Variants in TBRG1 observed in about 807,000 individuals in gnomAD.
The protein encoded by TBRG1 is transforming growth factor beta regulator 1.
TBRG1 carries 31 observed loss-of-function variants against 44.0 expected under a neutral mutation model. That is an observed-to-expected ratio of 0.70 (90% CI 0.53 to 0.95). TBRG1 has a LOEUF of 0.95. TBRG1 is among the 40% of genes least tolerant of loss of function. The pLI, the probability that TBRG1 is intolerant of heterozygous loss-of-function variation, is 0.00. For missense variants in TBRG1, 487 were observed against 496.1 expected, an observed-to-expected ratio of 0.98 and a Z score of 0.18; for synonymous variants, 171 against 188.1, an observed-to-expected ratio of 0.91 and a Z score of 0.74.
At chr11:124,625,493 T>G (rs1416405465) in intron 2 of TBRG1, among the ~76,000 whole-genome samples, 178 bp from the exon 3 acceptor site, 1 of 152,260 alleles carries the variant, frequency 6.6e-6, no homozygotes, top group Non-Finnish European at 1.5e-5. Flanking sequence ...ATCCTTGGCC[T>G]CTTGAAGTAT....
chr11:124,627,890 G>A (rs774004594), intron 5 of TBRG1, among the ~76,000 whole-genome samples: 13 of 151,656 alleles, frequency 8.6e-5, no homozygotes, highest in Non-Finnish European at 1.9e-4. Flanking sequence ...AAATTGAAAA[G>A]CCGATTCTTA....
chr11:124,629,384 G>T (rs1398454067), intron 5 of TBRG1, among the ~76,000 whole-genome samples: 1 of 152,064 alleles, frequency 6.6e-6, no homozygotes, highest in African/African-American at 2.4e-5. Flanking sequence ...ATTGCTCATG[G>T]TTTTTTCATT....
rs1942372094 is a variant in TBRG1 at position 124,622,995 on chromosome 11, G to A, written c.-89G>A. 1.4e-6 allele frequency: 2 copies of A among 1,379,328 alleles called. No individual in the cohort carries two copies. The highest frequency in any genetic ancestry group is 2.9e-5 in the African/African-American group (2 of 68,614). The allele number at this position is 1,379,328 out of a possible 1,614,324, so 85.4% of individuals were successfully genotyped here. A position where few individuals can be genotyped will look rare whatever the true frequency, so the allele number is the denominator to read the frequency against. ...CCTAGAGGCCCGATTCCGCTAGCCC[G>A]GAACAGACAAAGCCAGCGCTCCCGC... On this transcript the variant is annotated 5_prime_UTR_variant, in exon 1 of 9. Coordinates refer to ENST00000441174, the MANE Select transcript of TBRG1 (RefSeq NM_032811.3).
chr11:124,631,622 T>TG lies in TBRG1; in HGVS notation c.1090+206dup, dbSNP rs1436020795. The TG allele has an allele frequency of 5.6e-5, 34 of 611,168 alleles. No homozygotes were observed. In the East Asian group the frequency reaches 9.5e-4, roughly 17 times the overall value. 37.9% of individuals were successfully genotyped at this position (611,168 alleles called of 1,614,324 possible). A position where few individuals can be genotyped will look rare whatever the true frequency, so the allele number is the denominator to read the frequency against. Reference sequence around the variant, plus strand: ...ACTCACAGATGTCATGGGGAGCACCTGCGATCATAGTAAGGCAGGGTACCC... The same window carrying TG: ...ACTCACAGATGTCATGGGGAGCACCTGGCGATCATAGTAAGGCAGGGTACCC... On this transcript the variant is annotated intron_variant, in intron 8 of 8. Coordinates refer to ENST00000441174, the MANE Select transcript of TBRG1 (RefSeq NM_032811.3).
At position 124,624,828 on chromosome 11, in the gene TBRG1, G is replaced by A. The variant is rs1472919263; in HGVS notation, c.151-103G>A. 9.1e-6 allele frequency: 7 copies of A among 766,102 alleles called. No homozygotes were observed. In the East Asian group the frequency reaches 1.9e-4, roughly 21 times the overall value. The allele number at this position is 766,102 out of a possible 1,614,324, so 47.5% of individuals were successfully genotyped here. Reference sequence around the variant, plus strand: ...ACGGTCGAATAGCTCCTTCTTCTCAGTAATACAAGCTTTTTTGGTTTGAAA... The same window carrying A: ...ACGGTCGAATAGCTCCTTCTTCTCAATAATACAAGCTTTTTTGGTTTGAAA... On this transcript the variant is annotated intron_variant, in intron 1 of 8. Transcript: ENST00000441174.
Position 124,623,138 on chromosome 11 carries a change from A to G in TBRG1, c.55A>G (p.Lys19Glu), listed in dbSNP as rs1565397425. ...SSPRAPLQSS[K>E]ARMKKLPKKS... ...GCCGCGGGCTCCGCTGCAGTCCAGC[A>G]AGGCCAGGATGAAAAAGCTCCCGAA... The change falls in exon 1 of 9, where the codon AAG (lysine) becomes GAG (glutamate). Residue 19 changes from lysine (K) to glutamate (E), a missense_variant. Transcript: ENST00000441174. 1 of 1,551,400 alleles carries G rather than the reference A, an allele frequency of 6.4e-7. No homozygotes were observed. Among genetic ancestry groups the G allele is most frequent in the African/African-American group, 1.4e-5 (1 of 73,066 alleles).
rs1296402823 is a variant in TBRG1 at position 124,623,100 on chromosome 11, G to A, written c.17G>A (p.Gly6Asp). The A allele has an allele frequency of 6.5e-7, 1 of 1,550,126 alleles. No individual in the cohort carries two copies. Among genetic ancestry groups the A allele is most frequent in the Non-Finnish European group, 8.7e-7 (1 of 1,146,624 alleles). ...GGCTGGACCATGAGCCTGCTGGACGGCCTCGCTTCCTCGCCGCGGGCTCCG... is the reference window on the plus strand; with the variant it reads ...GGCTGGACCATGAGCCTGCTGGACGACCTCGCTTCCTCGCCGCGGGCTCCG... MSLLDGLASSPRAPLQ... is the reference protein window; with the variant it reads MSLLDDLASSPRAPLQ... Residue 6 changes from glycine to aspartate, a missense_variant, in exon 1 of 9, where the codon GGC becomes GAC. By Grantham distance (94) the Gly-to-Asp change is moderately conservative (BLOSUM62 -1). Transcript: ENST00000441174.
rs535511323 is a variant in TBRG1, at chr11:124,632,353, T to G, written c.*115T>G. On this transcript the variant is annotated 3_prime_UTR_variant, in exon 9 of 9. Transcript: ENST00000441174. ...AGAAGTAAAGAAGATACTAACGTAT[T>G]TCATCATGGAAGGTCCTGTGGTGAT... 3.5e-6 allele frequency: 3 copies of G among 856,128 alleles called. No individual in the cohort carries two copies. The African/African-American group carries it at 5.1e-5, about 14-fold the overall frequency. 53.0% of individuals were successfully genotyped at this position (856,128 alleles called of 1,614,324 possible). A position where few individuals can be genotyped will look rare whatever the true frequency, so the allele number is the denominator to read the frequency against.
rs1345513329 is a variant in TBRG1 at position 124,630,856 on chromosome 11, G to GTT, written c.947+2_947+3insTT. 1 of 1,568,350 alleles carries GTT rather than the reference G, an allele frequency of 6.4e-7. No individual in the cohort carries two copies. Among genetic ancestry groups the GTT allele is most frequent in the South Asian group, 1.2e-5 (1 of 86,240 alleles). ...GTCCAGGAGCTCGAAAATGCATCAA[G>GTT]TAAGTGTGATCAAATTCATTCCCTT... On this transcript the variant is annotated splice_donor_variant, in intron 7 of 8. Transcript: ENST00000441174. LOFTEE classifies it high-confidence loss of function.
At position 124,627,021 on chromosome 11, in the gene TBRG1, C is replaced by G; in HGVS notation, c.709C>G (p.Gln237Glu). The G allele has an allele frequency of 6.4e-7, 1 of 1,556,266 alleles. No individual in the cohort carries two copies. The highest frequency in any genetic ancestry group is 8.7e-7 in the Non-Finnish European group (1 of 1,149,072). Residue 237 changes from glutamine to glutamate, a missense_variant, in exon 5 of 9, where the codon CAG (glutamine) becomes GAG (glutamate). Physicochemically the swap from Gln to Glu is conservative, Grantham distance 29. Transcript: ENST00000441174. ...AGACCAGAAGTGTCTATATACCTGT[C>G]AGATCAAGGATGGTGGTGTGCAGCC... ...CPDQKCLYTC[Q>E]IKDGGVQPQF...
At position 124,623,130 on chromosome 11, in the gene TBRG1, A is replaced by G. The variant is rs1375462851; in HGVS notation, c.47A>G (p.Gln16Arg). 13 of 1,551,344 alleles carry G rather than the reference A, an allele frequency of 8.4e-6. No individual in the cohort carries two copies. The highest frequency in any genetic ancestry group is 1.1e-5 in the Non-Finnish European group (13 of 1,147,012). ...GLASSPRAPL[Q>R]SSKARMKKLP... ...GCTTCCTCGCCGCGGGCTCCGCTGC[A>G]GTCCAGCAAGGCCAGGATGAAAAAG... is the stretch of plus-strand genomic sequence containing the variant. Residue 16 changes from glutamine to arginine, a missense_variant, in exon 1 of 9, where the codon CAG (glutamine) becomes CGG (arginine). Gln to Arg is a conservative substitution (Grantham distance 43). Coordinates refer to ENST00000441174, the MANE Select transcript of TBRG1 (RefSeq NM_032811.3).
intron 5 of TBRG1, among the ~76,000 whole-genome samples, chr11:124,629,349 GAAAAAGA>G (rs1565401156): frequency 6.6e-6 from 1 of 151,428 alleles, no homozygotes; most frequent in Admixed American, 6.6e-5. Context: ...AAAAAAAAAA[GAAAAAGA>G]AAAAAGAAAA....
In TBRG1 at chr11:124,625,738, T is replaced by C. The variant is rs1462933697; in HGVS notation, c.289T>C (p.Ser97Pro). The C allele has an allele frequency of 6.4e-7, 1 of 1,560,114 alleles. No individual in the cohort carries two copies. The highest frequency in any genetic ancestry group is 8.7e-7 in the Non-Finnish European group (1 of 1,150,930). Residue 97 changes from serine (S) to proline (P), a missense_variant, in exon 3 of 9, where the codon TCC becomes CCC. Coordinates refer to ENST00000441174, the MANE Select transcript of TBRG1 (RefSeq NM_032811.3). ...AGGGGAAGTACAGGCTGCAGCTCCT[T>C]CCCACAGTTCCAGTTTGCCCCTGAC... ...TEGEVQAAAP[S>P]HSSSLPLTYG...
Position 124,625,761 on chromosome 11 carries a change from G to C in TBRG1, c.312G>C (p.Leu104=). The change falls in exon 3 of 9, where the codon CTG becomes CTC. Residue 104 remains leucine, a synonymous_variant. Coordinates refer to ENST00000441174, the MANE Select transcript of TBRG1 (RefSeq NM_032811.3). The stretch of plus-strand genomic sequence containing the variant: ...CTTCCCACAGTTCCAGTTTGCCCCT[G>C]ACTTATGGTGTGGCCAGCTCTGTGG... ...AAPSHSSSLP[L]TYGVASSVGT... 6.4e-7 allele frequency: 1 copy of C among 1,569,708 alleles called. No homozygotes were observed. Among genetic ancestry groups the C allele is most frequent in the Non-Finnish European group, 8.7e-7 (1 of 1,155,980 alleles).
At chr11:124,626,249 A>G (rs557810357) in intron 3 of TBRG1, among the ~76,000 whole-genome samples, 6 of 152,194 alleles carry the variant, frequency 3.9e-5, no homozygotes, top group Admixed American at 2.0e-4. Flanking sequence ...GATCTTACAG[A>G]TGAAATAAGA....
rs150648965 is a variant in TBRG1 at position 124,625,826 on chromosome 11, C to A, written c.377C>A (p.Thr126Asn). The A allele has an allele frequency of 3.8e-6, 6 of 1,583,050 alleles. No individual in the cohort carries two copies. The Admixed American group carries it at 5.5e-5, about 15-fold the overall frequency. The change falls in exon 3 of 9, where the codon ACT becomes AAT. Residue 126 changes from threonine (T) to asparagine (N), a missense_variant. Transcript: ENST00000441174. ...QGAGPISGPSTGAEEPFGKKT... is the reference protein window; with the variant it reads ...QGAGPISGPSNGAEEPFGKKT... ...GCTGGGCCTATTTCAGGGCCCAGCA[C>A]TGGGGCTGAGGAACCATTTGGGAAG...
At position 124,630,617 on chromosome 11, in the gene TBRG1, C is replaced by T. The variant is rs562470816; in HGVS notation, c.837-128C>T. On this transcript the variant is annotated intron_variant, in intron 6 of 8. Transcript: ENST00000441174. ...ATCCTGGATCCTCCTGACATTGTGC[C>T]AACTAGAGCCTCCACATTATCAAAG... 3 of 986,378 alleles carry T rather than the reference C, an allele frequency of 3.0e-6. No homozygotes were observed. In the South Asian group the frequency reaches 4.1e-5, roughly 13 times the overall value. The allele number at this position is 986,378 out of a possible 1,614,324, so 61.1% of individuals were successfully genotyped here.
intron 5 of TBRG1, 40 bp from the exon 6 acceptor site, chr11:124,630,348 T>C (rs1187076049): frequency 7.6e-7 from 1 of 1,322,358 alleles, no homozygotes; most frequent in Admixed American, 1.7e-5. Context: ...CTCTCCTTCC[T>C]TCTTGAGGAT....
rs1450192622 is a variant in TBRG1 at position 124,635,157 on chromosome 11, A to G, written c.*2919A>G. ...GGCTGCCCCCGAATTAGAACAGCCC[A>G]TGGGGGTATGTGTATTGGGAGTGGA... On this transcript the variant is annotated 3_prime_UTR_variant, in exon 9 of 9. Coordinates refer to ENST00000441174, the MANE Select transcript of TBRG1 (RefSeq NM_032811.3). The G allele has an allele frequency of 6.6e-5, 10 of 152,174 alleles. No homozygotes were observed. The highest frequency in any genetic ancestry group is 5.2e-4 in the Admixed American group (8 of 15,280). 9.4% of individuals were successfully genotyped at this position (152,174 alleles called of 1,614,324 possible).
Sources: gnomAD v4.1 joint callset for allele counts (sites outside exome capture counted in the v4.1 genomes callset) on GRCh38, gnomAD v4.1.1 for gene constraint, MANE v1.5 for transcripts, NCBI Gene and HGNC (gene_info 2026-07-23, HGNC 2026-07-21) for gene names.